The following PTPRD variants were observed in gnomAD, a reference collection of about 807,000 sequenced individuals.
PTPRD encodes the protein protein tyrosine phosphatase receptor type D.
In PTPRD, 34 loss-of-function variants were observed where a neutral mutation model predicts 214.5. The ratio of observed to expected loss-of-function variants is 0.16; its 90% CI spans 0.12 to 0.21. The LOEUF is 0.21. Among genes scored for constraint, PTPRD ranks in the 10% least tolerant of loss-of-function variants. The probability of loss-of-function intolerance (pLI) is 1.00; values close to 1 mark genes in which losing one functional copy is unlikely to be tolerated. For synonymous variants in PTPRD, 1,128 were observed against 845.7 expected (o/e 1.33, Z -5.79); for missense variants, 2,545 against 2,398.7 (o/e 1.06, Z -1.27).
At chr9:8,762,924 C>T (rs919257869) in intron 11 of PTPRD, among the ~76,000 whole-genome samples, 13 of 152,108 alleles carry the variant, frequency 8.5e-5, no homozygotes, top group African/African-American at 2.9e-4. Flanking sequence ...TACTCATCTC[C>T]CAGCATGGGA....
At chr9:10,005,213 G>A (rs1474879762) in intron 4 of PTPRD, among the ~76,000 whole-genome samples, 1 of 151,926 alleles carries the variant, frequency 6.6e-6, no homozygotes, top group Non-Finnish European at 1.5e-5. Flanking sequence ...AGCTAACCTT[G>A]GTGTTTCTAA....
chr9:8,720,986 C>T (rs1243493337), intron 12 of PTPRD, among the ~76,000 whole-genome samples: 1 of 151,978 alleles, frequency 6.6e-6, no homozygotes, highest in Non-Finnish European at 1.5e-5. Flanking sequence ...AGGTCCTTCC[C>T]CATCACCTAT....
chr9:9,088,010 T>C (rs937346283), intron 10 of PTPRD, among the ~76,000 whole-genome samples: 4 of 149,320 alleles, frequency 2.7e-5, no homozygotes, highest in East Asian at 2.1e-4. Flanking sequence ...GCCTCCTGAG[T>C]AGCTGGAATT....
At chr9:8,539,282 T>C (rs1009227946) in intron 14 of PTPRD, among the ~76,000 whole-genome samples, 2 of 151,932 alleles carry the variant, frequency 1.3e-5, no homozygotes, top group East Asian at 3.9e-4. Flanking sequence ...TGTGAGAGAT[T>C]AAATGATAGG....
intron 5 of PTPRD, among the ~76,000 whole-genome samples, chr9:9,810,806 G>T (rs10978002): frequency 0.021 from 3,138 of 151,846 alleles, 53 homozygotes; most frequent in Middle Eastern, 0.044. Context: ...ATCTTTTAAA[G>T]CTGTAGCTGC....
At chr9:10,432,455 T>A (rs192541257) in intron 2 of PTPRD, among the ~76,000 whole-genome samples, 2 of 151,882 alleles carry the variant, frequency 1.3e-5, no homozygotes, top group Admixed American at 1.3e-4. Flanking sequence ...AAGAAAGGTT[T>A]CTTTCCAAGT....
At chr9:8,671,570 T>TA (rs2097286738) in intron 12 of PTPRD, among the ~76,000 whole-genome samples, 1 of 152,178 alleles carries the variant, frequency 6.6e-6, no homozygotes. Flanking sequence ...GTCCACTTTT[T>TA]AAAAATGTAC....
intron 8 of PTPRD, among the ~76,000 whole-genome samples, chr9:9,428,547 G>C (rs1423578189): frequency 6.6e-6 from 1 of 152,182 alleles, no homozygotes; most frequent in African/African-American, 2.4e-5. Flanking sequence ...TCTGCACCAA[G>C]TGGACTTAAT....
chr9:8,613,464 T>C (rs576018764), intron 14 of PTPRD, among the ~76,000 whole-genome samples: 22 of 152,306 alleles, frequency 1.4e-4, no homozygotes, highest in Admixed American at 1.2e-3. Flanking sequence ...ACTTATTTTT[T>C]TTAAAACTAA....
rs780267696 is a variant in PTPRD, at chr9:9,361,837, C to A, written c.-203+35612G>T. Among the ~76,000 whole-genome samples, 44 of 151,048 alleles carry A rather than the reference C, an allele frequency of 2.9e-4. 1 individual carries two copies. The highest frequency in any genetic ancestry group is 1.2e-3 in the East Asian group (6 of 5,120). On this transcript the variant is annotated intron_variant, in intron 9 of 45. Transcript: ENST00000381196. ...AACTACTATTCAATTAAATATTATACAACTATTTATCAGGGCCTACCATGA... is the reference window on the plus strand; with the variant it reads ...AACTACTATTCAATTAAATATTATAAAACTATTTATCAGGGCCTACCATGA...
At chr9:8,872,299 T>A (rs951828462) in intron 11 of PTPRD, among the ~76,000 whole-genome samples, 4 of 152,166 alleles carry the variant, frequency 2.6e-5, no homozygotes, top group Non-Finnish European at 5.9e-5. Flanking sequence ...GTCTGTCTCC[T>A]TTACTCTGGA....
At chr9:10,233,294 T>G (rs1254253732) in intron 3 of PTPRD, among the ~76,000 whole-genome samples, 3 of 152,042 alleles carry the variant, frequency 2.0e-5, no homozygotes, top group Non-Finnish European at 4.4e-5. Flanking sequence ...CCTGCTTGCA[T>G]GCCAACATTT....
intron 39 of PTPRD, among the ~76,000 whole-genome samples, chr9:8,350,428 G>A (rs2075123741): frequency 2.6e-5 from 4 of 152,114 alleles, no homozygotes; most frequent in Admixed American, 2.6e-4. Context: ...ATTGGATATA[G>A]TTCACCTATC....
intron 8 of PTPRD, among the ~76,000 whole-genome samples, chr9:9,484,015 T>C (rs1363639646): frequency 6.6e-6 from 1 of 151,944 alleles, no homozygotes; most frequent in Non-Finnish European, 1.5e-5. Context: ...CTATCTTCTA[T>C]AGGTGACTCA....
At chr9:9,674,636 A>G (rs1240406859) in intron 7 of PTPRD, among the ~76,000 whole-genome samples, 1 of 151,806 alleles carries the variant, frequency 6.6e-6, no homozygotes, top group Non-Finnish European at 1.5e-5. Context: ...CCAAATACAT[A>G]CCTTGAAATG....
At chr9:9,267,893 T>C (rs1013410390) in intron 9 of PTPRD, among the ~76,000 whole-genome samples, 3 of 151,298 alleles carry the variant, frequency 2.0e-5, no homozygotes, top group East Asian at 2.0e-4. Context: ...TTATAAAGGC[T>C]GTATTTGACC....
chr9:10,399,214 G>A (rs926163225), intron 2 of PTPRD, among the ~76,000 whole-genome samples: 1 of 151,908 alleles, frequency 6.6e-6, no homozygotes, highest in African/African-American at 2.4e-5. Context: ...AATTAGAGAA[G>A]GATTGCAAAG....
At chr9:8,439,935 ATTTTTTTTTTTTTTTT>A (rs1166530719) in intron 34 of PTPRD, among the ~76,000 whole-genome samples, 34 of 73,324 alleles carry the variant, frequency 4.6e-4, no homozygotes, top group African/African-American at 1.7e-3. Flanking sequence ...ATGTGCTTTA[ATTTTTTTTTTTTTTTT>A]TTTTTTTTTT....
At chr9:10,223,714 A>AT (rs2099579592) in intron 3 of PTPRD, among the ~76,000 whole-genome samples, 10 of 147,384 alleles carry the variant, frequency 6.8e-5, no homozygotes, top group Admixed American at 4.1e-4. Flanking sequence ...AATAATAATA[A>AT]AGTAGAGTAG....
Sources: gnomAD v4.1 joint callset for allele counts (sites outside exome capture counted in the v4.1 genomes callset) on GRCh38, gnomAD v4.1.1 for gene constraint, MANE v1.5 for transcripts, NCBI Gene and HGNC (gene_info 2026-07-23, HGNC 2026-07-21) for gene names.